Variants in ORMDL1 observed in about 807,000 individuals in gnomAD.
ORMDL1 encodes the protein ORMDL sphingolipid biosynthesis regulator 1.
A neutral mutation model predicts 13.0 loss-of-function variants in ORMDL1; 10 were observed. The observed-to-expected ratio is 0.77, with a 90% confidence interval of 0.47 to 1.30. The LOEUF is 1.30. Ranked by LOEUF, ORMDL1 falls within the 50% of genes most tolerant of loss-of-function variation. The pLI is 0.00. For synonymous variants in ORMDL1, 61 were observed against 63.9 expected (o/e 0.95, Z 0.22); for missense variants, 171 against 186.7 (o/e 0.92, Z 0.49).
downstream of ORMDL1, among the ~76,000 whole-genome samples, chr2:189,767,069 T>G (rs1318607614): frequency 6.6e-6 from 1 of 152,254 alleles, no homozygotes; most frequent in Admixed American, 6.5e-5. Flanking sequence ...TGAACATAGA[T>G]GTACAAATTA....
chr2:189,779,989 G>T (rs1285219879), intron 3 of ORMDL1, among the ~76,000 whole-genome samples: 3 of 152,150 alleles, frequency 2.0e-5, no homozygotes, highest in African/African-American at 4.8e-5. Context: ...TACATTACAG[G>T]TTGAGTATTC....
intron 2 of ORMDL1, 178 bp from the exon 3 acceptor site, chr2:189,782,780 C>G: frequency 1.9e-6 from 1 of 521,982 alleles, no homozygotes; most frequent in Non-Finnish European, 3.4e-6. Context: ...AGTAAAGAAT[C>G]TTCAGCATTT....
chr2:189,782,916 A>G, intron 2 of ORMDL1, 98 bp downstream of exon 2: 1 of 224,726 alleles, frequency 4.4e-6, no homozygotes, highest in Non-Finnish European at 8.7e-6. Context: ...TGAAAGAGAA[A>G]ACCTACATTT....
chr2:189,772,788 A>G (rs2047607460), intron 4 of ORMDL1, among the ~76,000 whole-genome samples: 1 of 152,234 alleles, frequency 6.6e-6, no homozygotes, highest in Admixed American at 6.5e-5. Flanking sequence ...TTAGTTTCTC[A>G]TAAGGGAAAA....
At chr2:189,767,080 T>C (rs1044038939), downstream of ORMDL1, among the ~76,000 whole-genome samples, 2 of 152,380 alleles carry the variant, frequency 1.3e-5, no homozygotes, top group Admixed American at 6.5e-5. Context: ...GTACAAATTA[T>C]CTGTCCAAGT....
downstream of ORMDL1, among the ~76,000 whole-genome samples, chr2:189,768,225 T>C (rs763500111): frequency 2.0e-5 from 3 of 152,230 alleles, no homozygotes; most frequent in Non-Finnish European, 4.4e-5. Context: ...CCTTTTAGGG[T>C]ATTTTACCTA....
chr2:189,778,402 A>G (rs775244852), intron 3 of ORMDL1: 2 of 455,074 alleles, frequency 4.4e-6, no homozygotes, highest in Non-Finnish European at 8.8e-6. Flanking sequence ...CTCAAAAAAA[A>G]AGGACTAACT....
downstream of ORMDL1, among the ~76,000 whole-genome samples, chr2:189,766,247 C>T (rs2047481376): frequency 1.3e-5 from 2 of 152,164 alleles, no homozygotes; most frequent in Admixed American, 1.3e-4. Context: ...TTTGCTGAAC[C>T]ATTATGCTTA....
chr2:189,771,802 G>A lies in ORMDL1; in HGVS notation c.427C>T (p.His143Tyr). 6.2e-7 allele frequency: 1 copy of A among 1,612,040 alleles called. No individual in the cohort carries two copies. The highest frequency in any genetic ancestry group is 8.5e-7 in the Non-Finnish European group (1 of 1,179,296). Residue 143 changes from histidine to tyrosine, a missense_variant, in exon 5 of 5, where the codon CAT (histidine) becomes TAT (tyrosine). Physicochemically the swap from His to Tyr is moderately conservative, Grantham distance 83. Transcript: ENST00000392349. ...SVLIPKMPQLHGVRIFGINKY is the reference protein window; with the variant it reads ...SVLIPKMPQLYGVRIFGINKY ...TTAATTCCAAAGATCCGAACACCAT[G>A]TAGTTGTGGCATTTTGGGAATTAGT...
intron 3 of ORMDL1, 34 bp from the exon 4 acceptor site, chr2:189,775,750 T>C (rs756278082): frequency 1.3e-6 from 2 of 1,589,306 alleles, no homozygotes; most frequent in Non-Finnish European, 1.7e-6. Flanking sequence ...AAATGATCAA[T>C]ATTAAATACA....
At chr2:189,781,703 C>T (rs2047838775) in intron 3 of ORMDL1, among the ~76,000 whole-genome samples, 1 of 151,768 alleles carries the variant, frequency 6.6e-6, no homozygotes, top group African/African-American at 2.4e-5. Context: ...GAAAAAGGAC[C>T]AATGTTGAAA....
intron 4 of ORMDL1, among the ~76,000 whole-genome samples, chr2:189,772,950 T>C (rs2047611332): frequency 6.6e-6 from 1 of 152,214 alleles, no homozygotes; most frequent in Non-Finnish European, 1.5e-5. Flanking sequence ...CAGAAAATTC[T>C]TTCTCTAGTG....
downstream of ORMDL1, among the ~76,000 whole-genome samples, chr2:189,766,430 T>C (rs1353699649): frequency 6.6e-6 from 1 of 152,096 alleles, no homozygotes; most frequent in Non-Finnish European, 1.5e-5. Flanking sequence ...CTGTACCCAT[T>C]AAACAATAAG....
At chr2:189,769,197 GAC>G (rs1559185754), downstream of ORMDL1, among the ~76,000 whole-genome samples, 1 of 152,068 alleles carries the variant, frequency 6.6e-6, no homozygotes, top group Non-Finnish European at 1.5e-5. Flanking sequence ...AGACCAGCCT[GAC>G]CAACATGGTG....
At chr2:189,772,021 A>C (rs1293553222) in intron 4 of ORMDL1, 119 bp from the exon 5 acceptor site, 2 of 753,608 alleles carry the variant, frequency 2.7e-6, no homozygotes, top group Non-Finnish European at 3.9e-6. Flanking sequence ...AAATGAAACT[A>C]TTTTTGAGCA....
At chr2:189,765,838 C>CA (rs2047473664), downstream of ORMDL1, among the ~76,000 whole-genome samples, 1 of 121,510 alleles carries the variant, frequency 8.2e-6, no homozygotes, top group Non-Finnish European at 1.8e-5. Flanking sequence ...TTACTTTCTC[C>CA]ATTTTTTTTT....
chr2:189,771,438 A>G lies in ORMDL1; in HGVS notation c.*329T>C, dbSNP rs1220991081. On this transcript the variant is annotated 3_prime_UTR_variant, in exon 5 of 5. Coordinates refer to ENST00000392349, the MANE Select transcript of ORMDL1 (RefSeq NM_016467.5). ...TTTCTTAACACAATGCCCATTCATT[A>G]TAAGTTAAGCTGGTCCTAGTTTCTT... The G allele has an allele frequency of 5.7e-5, 10 of 175,782 alleles. No individual in the cohort carries two copies. The highest frequency in any genetic ancestry group is 1.9e-4 in the South Asian group (1 of 5,242). The allele number at this position is 175,782 out of a possible 1,614,324, so 10.9% of individuals were successfully genotyped here.
rs1432901689 is a variant in ORMDL1 at position 189,771,002 on chromosome 2, T to G, written c.*765A>C. On this transcript the variant is annotated 3_prime_UTR_variant, in exon 5 of 5. Coordinates refer to ENST00000392349, the MANE Select transcript of ORMDL1 (RefSeq NM_016467.5). ...AATTACCATATATTTTTTAGTTGCT[T>G]GAAAGAAATTAATTATTTTCTTAAT... The G allele has an allele frequency of 6.6e-6, 1 of 152,234 alleles. No individual in the cohort carries two copies. Among genetic ancestry groups the G allele is most frequent in the Non-Finnish European group, 1.5e-5 (1 of 68,032 alleles). The allele number at this position is 152,234 out of a possible 1,614,324, so 9.4% of individuals were successfully genotyped here.
At chr2:189,775,801 G>A in intron 3 of ORMDL1, 85 bp from the exon 4 acceptor site, 1 of 1,300,008 alleles carries the variant, frequency 7.7e-7, no homozygotes, top group Non-Finnish European at 1.0e-6. Context: ...GTTCCAAGCT[G>A]TTTGTGAGAG....
Sources: allele counts gnomAD v4.1 joint callset (sites outside exome capture counted in the v4.1 genomes callset), GRCh38; gene constraint gnomAD v4.1.1; transcripts MANE v1.5; gene names NCBI Gene and HGNC (gene_info 2026-07-23, HGNC 2026-07-21).